CDHR2: variants seen among roughly 807,000 people sequenced by gnomAD.
CDHR2 encodes cadherin related family member 2.
In CDHR2, 104 loss-of-function variants were observed where a neutral mutation model predicts 138.6. The observed-to-expected ratio is 0.75, with a 90% CI of 0.64 to 0.88. The LOEUF is 0.88. Among genes scored for constraint, CDHR2 ranks in the 40% least tolerant of loss-of-function variants. The pLI is 0.00. For synonymous variants in CDHR2, 755 were observed against 742.8 expected (o/e 1.02, Z -0.27); for missense variants, 1,624 against 1,727.6 (o/e 0.94, Z 1.06).
At chr5:176,587,405 G>A (rs928405173) in intron 21 of CDHR2, among the ~76,000 whole-genome samples, 3 of 151,956 alleles carry the variant, frequency 2.0e-5, no homozygotes, top group African/African-American at 7.3e-5. Context: ...TCGAGATCAC[G>A]CCATTGCACT....
chr5:176,588,359 G>A (rs1561880615), intron 21 of CDHR2, among the ~76,000 whole-genome samples: 1 of 132,462 alleles, frequency 7.5e-6, no homozygotes, highest in Non-Finnish European at 1.6e-5. Context: ...TGAATTGAGT[G>A]TATTTGTGTG....
chr5:176,575,249 C>A lies in CDHR2; in HGVS notation c.622-31C>A, dbSNP rs773164368. On this transcript the variant is annotated intron_variant, in intron 8 of 31. Transcript: ENST00000261944. The stretch of plus-strand genomic sequence containing the variant: ...CGGCAGGCGGGCCTAGGACCCACGG[C>A]GCTGGCTCACGGGTGGCCATCTCCC... 1.9e-6 allele frequency: 3 copies of A among 1,614,098 alleles called. No individual in the cohort carries two copies. The South Asian group carries it at 3.3e-5, about 18-fold the overall frequency.
At position 176,576,232 on chromosome 5, in the gene CDHR2, A is replaced by C. The variant is rs1326555818; in HGVS notation, c.1194+47A>C. The C allele has an allele frequency of 6.9e-7, 1 of 1,439,718 alleles. No individual in the cohort carries two copies. The highest frequency in any genetic ancestry group is 9.6e-7 in the Non-Finnish European group (1 of 1,042,458). 89.2% of individuals were successfully genotyped at this position (1,439,718 alleles called of 1,614,324 possible). A position where few individuals can be genotyped will look rare whatever the true frequency, so the allele number is the denominator to read the frequency against. ...TGGGCGGGGGTGGCTGGGGGAGGCC[A>C]GTGGGAGCCTGGATCGAGTGACGGT... On this transcript the variant is annotated intron_variant, in intron 12 of 31. Coordinates refer to ENST00000261944, the MANE Select transcript of CDHR2 (RefSeq NM_017675.6). This position sits in a 1 kb window ranked among gnomAD's most constrained non-coding sequence, Gnocchi z 4.5.
In CDHR2 at chr5:176,575,277, C is replaced by T. The variant is rs1250176130; in HGVS notation, c.622-3C>T. 4 of 1,614,222 alleles carry T rather than the reference C, an allele frequency of 2.5e-6. No homozygotes were observed. In the South Asian group the frequency reaches 4.4e-5, roughly 18 times the overall value. On this transcript the variant is annotated splice_polypyrimidine_tract_variant and splice_region_variant and intron_variant, in intron 8 of 31. Coordinates refer to ENST00000261944, the MANE Select transcript of CDHR2 (RefSeq NM_017675.6). ...TGGCTCACGGGTGGCCATCTCCCCGCAGGACTTGGGCGGCATGTACCACAA... is the reference window on the plus strand; with the variant it reads ...TGGCTCACGGGTGGCCATCTCCCCGTAGGACTTGGGCGGCATGTACCACAA...
Position 176,588,475 on chromosome 5 carries a change from G to GAA in CDHR2, c.2857-556_2857-555insAA, listed in dbSNP as rs36066989. ...TGAGAGGGTGTGTGAGTGTATGTGA[G>GAA]TGTGAGAGGATAAGTGTGTGAGGGT... is the stretch of plus-strand genomic sequence containing the variant. On this transcript the variant is annotated intron_variant, in intron 21 of 31. Coordinates refer to ENST00000261944, the MANE Select transcript of CDHR2 (RefSeq NM_017675.6). Among the ~76,000 whole-genome samples, 776 of 149,468 alleles carry GAA rather than the reference G, an allele frequency of 5.2e-3. 8 individuals carry two copies. The highest frequency in any genetic ancestry group is 0.018 in the African/African-American group (735 of 40,320).
Position 176,568,998 on chromosome 5 carries a change from C to T in CDHR2, c.303C>T (p.Asp101=), listed in dbSNP as rs759298101. The change falls in exon 5 of 32, where the codon GAC becomes GAT. Residue 101 remains aspartate (D), a synonymous_variant. Coordinates refer to ENST00000261944, the MANE Select transcript of CDHR2 (RefSeq NM_017675.6). ...TCAAAGTCACCATCTCCGTGAGCGACCCCTACATCCAGGTGAGTTGGGAGG... is the reference window on the plus strand; with the variant it reads ...TCAAAGTCACCATCTCCGTGAGCGATCCCTACATCCAGGTGAGTTGGGAGG... The part of the protein sequence containing the change: ...YTFKVTISVS[D]PYIQVQREML... 1 of 1,614,140 alleles carries T rather than the reference C, an allele frequency of 6.2e-7. No homozygotes were observed. Among genetic ancestry groups the T allele is most frequent in the Non-Finnish European group, 8.5e-7 (1 of 1,180,018 alleles).
chr5:176,587,738 T>C (rs943987696), intron 21 of CDHR2, among the ~76,000 whole-genome samples: 2 of 152,158 alleles, frequency 1.3e-5, no homozygotes, highest in Non-Finnish European at 2.9e-5. Flanking sequence ...GTACAAGAGA[T>C]GGACAGGGCT....
intron 6 of CDHR2, among the ~76,000 whole-genome samples, chr5:176,573,144 T>C (rs1165343413): frequency 6.6e-6 from 1 of 151,858 alleles, no homozygotes; most frequent in Non-Finnish European, 1.5e-5. Context: ...TGCAAAGCCC[T>C]GAGGCAGGAA....
intron 30 of CDHR2, 190 bp downstream of exon 30, chr5:176,591,674 GTGA>G (rs1299675068): frequency 3.9e-4 from 241 of 610,130 alleles, no homozygotes; most frequent in Admixed American, 5.8e-4. Flanking sequence ...GGTGACAGTG[GTGA>G]TGATGACAAC....
chr5:176,593,183 T>C, intron 31 of CDHR2, among the ~76,000 whole-genome samples: 1 of 152,092 alleles, frequency 6.6e-6, no homozygotes, highest in East Asian at 1.9e-4. Context: ...ACCAGCATAG[T>C]CTAGCAAAGG....
At chr5:176,572,571 G>T (rs6897263) in intron 6 of CDHR2, among the ~76,000 whole-genome samples, 35,617 of 152,080 alleles carry the variant, frequency 0.23, 4,414 homozygotes, top group East Asian at 0.48. Context: ...AGGCTCTCAT[G>T]GGTTGGGTCT....
chr5:176,552,561 TATC>T (rs1331613830), intron 1 of CDHR2, among the ~76,000 whole-genome samples: 3 of 152,212 alleles, frequency 2.0e-5, no homozygotes, highest in Non-Finnish European at 4.4e-5. Context: ...GGGAGTGACC[TATC>T]ATGGGGAAGG....
chr5:176,581,362 CG>C lies in CDHR2; in HGVS notation c.1841del (p.Gly614AlafsTer50), dbSNP rs1561877186. 6.2e-7 allele frequency: 1 copy of C among 1,613,752 alleles called. No homozygotes were observed. Among genetic ancestry groups the C allele is most frequent in the Non-Finnish European group, 8.5e-7 (1 of 1,180,036 alleles). On this transcript the variant is annotated frameshift_variant, in exon 17 of 32. Transcript: ENST00000261944. LOFTEE classifies it high-confidence loss of function. ...GCACAGGCCCACGACAATGATGAGCCGGGCACCAACAACAGCCGTCTGCTCT... is the reference window on the plus strand; with the variant it reads ...GCACAGGCCCACGACAATGATGAGCCGGCACCAACAACAGCCGTCTGCTCT... ...VTIQAHDNDE[P>X]GTNNSRLLFN...
At chr5:176,577,340 G>T (rs1426342449) in intron 12 of CDHR2, 59 bp from the exon 13 acceptor site, 17 of 1,538,538 alleles carry the variant, frequency 1.1e-5, no homozygotes, top group Non-Finnish European at 1.3e-5. Flanking sequence ...GGGACTGGGG[G>T]AAGATGCAGG....
At chr5:176,560,970 TCTGA>T (rs1379726992) in intron 1 of CDHR2, among the ~76,000 whole-genome samples, 1 of 111,500 alleles carries the variant, frequency 9.0e-6, no homozygotes, top group Admixed American at 1.1e-4. Context: ...AACCAGGATC[TCTGA>T]CTGTCTAGGG....
chr5:176,571,102 A>G, intron 5 of CDHR2, 111 bp from the exon 6 acceptor site: 2 of 625,112 alleles, frequency 3.2e-6, no homozygotes, highest in South Asian at 3.6e-5. Flanking sequence ...AAGAGAGACC[A>G]AACAGTAGGT....
chr5:176,543,363 G>C lies in CDHR2; in HGVS notation c.-16+594G>C, dbSNP rs1757502978. Reference sequence around the variant, plus strand: ...CTGCGGCCCGCGCGCCGCCTGCCGCGGCCCCTCTCCGGCCCGGTGCAGGGG... The same window carrying C: ...CTGCGGCCCGCGCGCCGCCTGCCGCCGCCCCTCTCCGGCCCGGTGCAGGGG... On this transcript the variant is annotated intron_variant, in intron 1 of 31. Coordinates refer to the CDHR2 transcript ENST00000510636. This position sits in a 1 kb window ranked among gnomAD's most constrained non-coding sequence, Gnocchi z 4.0. 6.7e-6 allele frequency among the ~76,000 whole-genome samples: 1 copy of C among 149,166 alleles called. No homozygotes were observed. Among genetic ancestry groups the C allele is most frequent in the Non-Finnish European group, 1.5e-5 (1 of 66,768 alleles).
intron 1 of CDHR2, among the ~76,000 whole-genome samples, chr5:176,549,942 C>T (rs868262164): frequency 3.3e-5 from 5 of 152,202 alleles, no homozygotes; most frequent in South Asian, 2.1e-4. Context: ...GGCCTATGAC[C>T]GAGCCCAGTG....
At position 176,581,395 on chromosome 5, in the gene CDHR2, T is replaced by A. The variant is rs1223671886; in HGVS notation, c.1871T>A (p.Leu624Gln). The A allele has an allele frequency of 6.2e-7, 1 of 1,614,100 alleles. No homozygotes were observed. The highest frequency in any genetic ancestry group is 8.5e-7 in the Non-Finnish European group (1 of 1,180,022). The change falls in exon 17 of 32, where the codon CTG becomes CAG. Residue 624 changes from leucine (L) to glutamine (Q), a missense_variant. Transcript: ENST00000261944. The part of the protein sequence containing the change: ...GTNNSRLLFN[L>Q]LPGPYSHNFS... ...AACAACAGCCGTCTGCTCTTCAACC[T>A]GCTGCCTGGCCCCTACAGCCACAAC...
Sources: allele counts gnomAD v4.1 joint callset (sites outside exome capture counted in the v4.1 genomes callset), GRCh38; gene constraint gnomAD v4.1.1; non-coding constraint Gnocchi (gnomAD v3.1); transcripts MANE v1.5; gene names NCBI Gene and HGNC (gene_info 2026-07-23, HGNC 2026-07-21).